The following FOXP4 variants were observed in gnomAD, a reference collection of about 807,000 sequenced individuals.
The protein encoded by FOXP4 is forkhead box protein P4.
A neutral mutation model predicts 82.6 loss-of-function variants in FOXP4; 25 were observed. That is an observed-to-expected ratio of 0.30 (90% CI 0.22 to 0.42). The LOEUF (loss-of-function observed/expected upper bound fraction) is 0.42, where lower values mean the gene tolerates loss of function less well. FOXP4 is among the 10% of genes least tolerant of loss of function. The pLI, the probability that FOXP4 is intolerant of heterozygous loss-of-function variation, is 1.00. For synonymous variants in FOXP4, 415 were observed against 388.2 expected (o/e 1.07, Z -0.81); for missense variants, 785 against 900.9 (o/e 0.87, Z 1.65).
intron 1 of FOXP4, among the ~76,000 whole-genome samples, chr6:41,551,788 C>T (rs1764011812): frequency 6.6e-6 from 1 of 152,122 alleles, no homozygotes; most frequent in Admixed American, 6.5e-5. Flanking sequence ...GGTAGGGTGG[C>T]TTAGGGAATG....
intron 4 of FOXP4, 125 bp from the exon 5 acceptor site, chr6:41,585,306 G>T: frequency 1.0e-6 from 1 of 980,292 alleles, no homozygotes; most frequent in Non-Finnish European, 1.5e-6. Context: ...CAGGCTGACT[G>T]GGGAAAGCCA....
Position 41,597,227 on chromosome 6 carries a change from T to G in FOXP4, c.1710T>G (p.Leu570=). The G allele has an allele frequency of 6.2e-7, 1 of 1,614,148 alleles. No homozygotes were observed. Among genetic ancestry groups the G allele is most frequent in the Non-Finnish European group, 8.5e-7 (1 of 1,180,006 alleles). ...TCTCTGGCCTCAGCTATGGAGCACT[T>G]AATGCCAGCTACCAGGTGACCTGCC... The part of the protein sequence containing the change: ...NMISGLSYGA[L]NASYQAALAE... Residue 570 remains leucine, a synonymous_variant, in exon 15 of 17, where the codon CTT becomes CTG. Coordinates refer to ENST00000307972, the MANE Select transcript of FOXP4 (RefSeq NM_001012426.2).
At chr6:41,557,262 G>A (rs1254388654) in intron 1 of FOXP4, among the ~76,000 whole-genome samples, 2 of 152,184 alleles carry the variant, frequency 1.3e-5, no homozygotes, top group Admixed American at 6.5e-5. Flanking sequence ...GTTAGGGCCC[G>A]AGAGTCTTAT....
intron 5 of FOXP4, among the ~76,000 whole-genome samples, chr6:41,585,996 C>G (rs1323056785): frequency 6.6e-6 from 1 of 152,052 alleles, no homozygotes; most frequent in African/African-American, 2.4e-5. Flanking sequence ...TCGGTCTCCT[C>G]TCAGAGCTCC....
intron 1 of FOXP4, among the ~76,000 whole-genome samples, chr6:41,554,554 T>G (rs1764171689): frequency 6.6e-6 from 1 of 152,190 alleles, no homozygotes; most frequent in Non-Finnish European, 1.5e-5. Flanking sequence ...TGTGGGACAG[T>G]GTCTGAAGGA....
At chr6:41,578,139 G>A in intron 3 of FOXP4, 58 bp downstream of exon 3, 1 of 1,458,546 alleles carries the variant, frequency 6.9e-7, no homozygotes, top group East Asian at 2.3e-5. Flanking sequence ...GCCTGGCACA[G>A]AGGGAGGGCA....
chr6:41,589,682 T>C, intron 9 of FOXP4, 89 bp from the exon 10 acceptor site: 1 of 1,389,994 alleles, frequency 7.2e-7, no homozygotes, highest in South Asian at 1.2e-5. Flanking sequence ...ATCGGCGGCC[T>C]TCTGAAGAGC....
chr6:41,588,360 C>G (rs1287541628), intron 8 of FOXP4, among the ~76,000 whole-genome samples: 1 of 152,234 alleles, frequency 6.6e-6, no homozygotes, highest in Non-Finnish European at 1.5e-5. Context: ...CTTGCAGCAT[C>G]AGGGTCAAAC....
chr6:41,581,137 T>TGCTGCA (rs1765777290), intron 3 of FOXP4, among the ~76,000 whole-genome samples: 1 of 152,194 alleles, frequency 6.6e-6, no homozygotes, highest in East Asian at 1.9e-4. Flanking sequence ...TATCTTTCCT[T>TGCTGCA]GCTGCAGCTG....
At chr6:41,585,597 T>A (rs1164386225) in intron 5 of FOXP4, 80 bp downstream of exon 5, 1 of 1,314,340 alleles carries the variant, frequency 7.6e-7, no homozygotes, top group Non-Finnish European at 1.1e-6. Flanking sequence ...AGGAGGGAAT[T>A]GCCTTGCAGG....
rs779033846 is a variant in FOXP4, at chr6:41,584,824, A to G, written c.356A>G (p.Gln119Arg). 6.2e-7 allele frequency: 1 copy of G among 1,608,878 alleles called. No individual in the cohort carries two copies. The highest frequency in any genetic ancestry group is 8.5e-7 in the Non-Finnish European group (1 of 1,177,902). ...SPQMLTPQQM[Q>R]QILSPPQLQA... ...CAGATGCTTACCCCGCAACAGATGC[A>G]GCAGATCCTGTCGCCCCCGCAGCTG... Residue 119 changes from glutamine (Q) to arginine (R), a missense_variant, in exon 4 of 17, where the codon CAG becomes CGG. By Grantham distance (43) the Gln-to-Arg change is conservative. Coordinates refer to ENST00000307972, the MANE Select transcript of FOXP4 (RefSeq NM_001012426.2).
intron 2 of FOXP4, among the ~76,000 whole-genome samples, chr6:41,566,458 G>C (rs989740709): frequency 2.0e-5 from 3 of 152,248 alleles, no homozygotes; most frequent in Admixed American, 1.3e-4. Flanking sequence ...GGCCCAGGCA[G>C]CTGGGTAAAG....
At chr6:41,550,925 C>T (rs1484811348) in intron 1 of FOXP4, among the ~76,000 whole-genome samples, 1 of 152,206 alleles carries the variant, frequency 6.6e-6, no homozygotes, top group Admixed American at 6.5e-5. Context: ...AAGATTTTGG[C>T]AGCAAGTCTC....
chr6:41,553,304 C>T (rs1172060355), intron 1 of FOXP4, among the ~76,000 whole-genome samples: 2 of 151,500 alleles, frequency 1.3e-5, no homozygotes, highest in Non-Finnish European at 2.9e-5. Flanking sequence ...CTCATGTTAT[C>T]AATTAATTGA....
rs145822036 is a variant in FOXP4, at chr6:41,601,242, A to AAAGGGG, written c.*2307_*2308insAGGGGA. On this transcript the variant is annotated 3_prime_UTR_variant, in exon 17 of 17. Coordinates refer to ENST00000307972, the MANE Select transcript of FOXP4 (RefSeq NM_001012426.2). ...GCTCACGGCGGAAACGGGATCATTCAACCTATACAAAGGGGACCCTGGATA... is the reference window on the plus strand; with the variant it reads ...GCTCACGGCGGAAACGGGATCATTCAAAGGGGACCTATACAAAGGGGACCCTGGATA... 0.082 allele frequency: 12,516 copies of AAAGGGG among 152,296 alleles called. 576 individuals are homozygous for AAAGGGG. The highest frequency in any genetic ancestry group is 0.11 in the Middle Eastern group (31 of 294). 9.4% of individuals were successfully genotyped at this position (152,296 alleles called of 1,614,324 possible). A position where few individuals can be genotyped will look rare whatever the true frequency, so the allele number is the denominator to read the frequency against.
chr6:41,571,467 A>G (rs1765194827), intron 2 of FOXP4, among the ~76,000 whole-genome samples: 1 of 152,212 alleles, frequency 6.6e-6, no homozygotes, highest in Non-Finnish European at 1.5e-5. Flanking sequence ...CTAGTTCCTT[A>G]TAGAGAGGAG....
intron 6 of FOXP4, 66 bp downstream of exon 6, chr6:41,587,222 G>A: frequency 6.2e-7 from 1 of 1,608,040 alleles, no homozygotes; most frequent in South Asian, 1.1e-5. Context: ...GCAACAGCTG[G>A]CAGCCCCTGT....
chr6:41,577,755 T>C (rs956480445), intron 2 of FOXP4, among the ~76,000 whole-genome samples: 2 of 152,112 alleles, frequency 1.3e-5, no homozygotes, highest in African/African-American at 4.8e-5. Context: ...CTAACAAAAC[T>C]TCACTGGGTC....
chr6:41,555,456 G>T (rs1235665437), intron 1 of FOXP4, among the ~76,000 whole-genome samples: 3 of 152,196 alleles, frequency 2.0e-5, no homozygotes, highest in Admixed American at 1.3e-4. Context: ...GCCAAGGCAT[G>T]TCGGGGCAGG....
Sources: allele counts gnomAD v4.1 joint callset (sites outside exome capture counted in the v4.1 genomes callset), GRCh38; gene constraint gnomAD v4.1.1; transcripts MANE v1.5; gene names NCBI Gene and HGNC (gene_info 2026-07-23, HGNC 2026-07-21).